AUTS2: variants seen among roughly 807,000 people sequenced by gnomAD.
AUTS2 encodes activator of transcription and developmental regulator AUTS2, also known as autism susceptibility gene 2 protein.
In AUTS2, 17 loss-of-function variants were observed where a neutral mutation model predicts 112.4. The ratio of observed to expected loss-of-function variants is 0.15; its 90% confidence interval spans 0.10 to 0.23. AUTS2 has a LOEUF of 0.23. AUTS2 is among the 10% of genes least tolerant of loss of function. AUTS2 has a pLI of 1.00. For missense variants in AUTS2, 1,510 were observed against 1,701.6 expected (o/e 0.89, Z 1.98); for synonymous variants, 751 against 702.7 (o/e 1.07, Z -1.09).
At chr7:69,731,383 G>T (rs1388607133) in intron 1 of AUTS2, among the ~76,000 whole-genome samples, 1 of 152,084 alleles carries the variant, frequency 6.6e-6, no homozygotes, top group Non-Finnish European at 1.5e-5. Flanking sequence ...AAGTGATTTG[G>T]GGTGAGTAAT....
At chr7:70,148,311 T>C (rs1807244074) in intron 4 of AUTS2, among the ~76,000 whole-genome samples, 1 of 152,166 alleles carries the variant, frequency 6.6e-6, no homozygotes, top group East Asian at 1.9e-4. Flanking sequence ...AGAATTGTTA[T>C]GAGTTATAAA....
At chr7:70,760,278 T>A (rs920033662) in intron 6 of AUTS2, among the ~76,000 whole-genome samples, 2 of 152,252 alleles carry the variant, frequency 1.3e-5, no homozygotes, top group African/African-American at 4.8e-5. Flanking sequence ...GTGCTGGGAT[T>A]ACAGGCGTGA....
At chr7:69,813,477 A>AT (rs1340845776) in intron 1 of AUTS2, among the ~76,000 whole-genome samples, 4 of 152,150 alleles carry the variant, frequency 2.6e-5, no homozygotes, top group African/African-American at 9.7e-5. Flanking sequence ...CCCCCATTGG[A>AT]TAGATGGCTG....
intron 2 of AUTS2, among the ~76,000 whole-genome samples, chr7:70,079,403 G>A (rs781352552): frequency 6.6e-6 from 1 of 152,126 alleles, no homozygotes; most frequent in South Asian, 2.1e-4. Flanking sequence ...TTGGGAGGCT[G>A]AGACAGGAGA....
At chr7:70,084,019 C>T (rs774386867) in intron 2 of AUTS2, among the ~76,000 whole-genome samples, 2 of 151,978 alleles carry the variant, frequency 1.3e-5, no homozygotes. Flanking sequence ...CTTTCTCCCC[C>T]ACCTCCCTTC....
chr7:70,023,033 C>T (rs539197538), intron 2 of AUTS2, among the ~76,000 whole-genome samples: 18 of 151,982 alleles, frequency 1.2e-4, no homozygotes, highest in East Asian at 3.9e-4. Flanking sequence ...TTTGTAGAGA[C>T]GGGGTCTTGC....
chr7:70,114,715 C>A (rs867851060), intron 2 of AUTS2, among the ~76,000 whole-genome samples: 6 of 152,094 alleles, frequency 3.9e-5, no homozygotes, highest in Admixed American at 6.5e-5. Flanking sequence ...GCAGGAGAAT[C>A]GCTTGAACCG....
Position 69,718,354 on chromosome 7 carries a change from T to C in AUTS2, c.309+118392T>C, listed in dbSNP as rs190256111. Among the ~76,000 whole-genome samples the C allele has an allele frequency of 1.4e-4, 21 of 152,298 alleles. No homozygotes were observed. The East Asian group carries it at 2.1e-3, about 15-fold the overall frequency. On this transcript the variant is annotated intron_variant, in intron 1 of 18. Transcript: ENST00000342771. ...GGCTAGAAGTCCAACATGGATCTCA[T>C]TGGGCTAAAATCGAGGTGTCAGGGG...
In AUTS2 at chr7:70,768,949, A is replaced by G. The variant is rs192334062; in HGVS notation, c.1734+881A>G. Among the ~76,000 whole-genome samples, 23 of 148,496 alleles carry G rather than the reference A, an allele frequency of 1.5e-4. No homozygotes were observed. The East Asian group carries it at 4.0e-3, about 26-fold the overall frequency. ...ATGCTTGTAGCCGTGTTGATTCACC[A>G]TACTCAACTGTTCTTGCTTAGGTTT... is the stretch of plus-strand genomic sequence containing the variant. On this transcript the variant is annotated intron_variant, in intron 10 of 18. Coordinates refer to ENST00000342771, the MANE Select transcript of AUTS2 (RefSeq NM_015570.4).
At chr7:70,784,652 G>A (rs897473058) in intron 15 of AUTS2, 1 of 434,008 alleles carries the variant, frequency 2.3e-6, no homozygotes, top group Non-Finnish European at 4.1e-6. Flanking sequence ...GTAATACTGT[G>A]TGTCATCGGC....
In AUTS2 at chr7:70,694,911, G is replaced by T. The variant is rs1808991270; in HGVS notation, c.691-3658G>T. 6.6e-6 allele frequency: 1 copy of T among 152,276 alleles called. No individual in the cohort carries two copies. Among genetic ancestry groups the T allele is most frequent in the African/African-American group, 2.4e-5 (1 of 41,454 alleles). The allele number at this position is 152,276 out of a possible 1,614,324, so 9.4% of individuals were successfully genotyped here. A position where few individuals can be genotyped will look rare whatever the true frequency, so the allele number is the denominator to read the frequency against. On this transcript the variant is annotated intron_variant, in intron 5 of 18. Coordinates refer to ENST00000342771, the MANE Select transcript of AUTS2 (RefSeq NM_015570.4). The surrounding 1 kb of genome is among the most constrained non-coding windows in gnomAD (Gnocchi z 4.1). ...AGACTCTTGTGGACAGAGCCGGGTC[G>T]AGAGTTGGGCGTTTTCTCTTCGTGT...
chr7:69,749,322 A>G (rs1787639780), intron 1 of AUTS2, among the ~76,000 whole-genome samples: 1 of 152,192 alleles, frequency 6.6e-6, no homozygotes, highest in Admixed American at 6.5e-5. Flanking sequence ...TTAGATTTAC[A>G]GAGTTGTGCA....
At chr7:69,805,404 GCAGACTTTTTTTTA>G (rs1480925578) in intron 1 of AUTS2, among the ~76,000 whole-genome samples, 5 of 152,122 alleles carry the variant, frequency 3.3e-5, no homozygotes, top group Non-Finnish European at 5.9e-5. Context: ...ATACGCAGAG[GCAGACTTTTTTTTA>G]CATTTGTTGC....
chr7:70,204,817 A>G (rs752949045), intron 4 of AUTS2, among the ~76,000 whole-genome samples: 1 of 152,166 alleles, frequency 6.6e-6, no homozygotes, highest in Non-Finnish European at 1.5e-5. Context: ...GGGGAATAAA[A>G]CATCCACACG....
At chr7:70,480,514 G>A (rs1201160747) in intron 5 of AUTS2, among the ~76,000 whole-genome samples, 1 of 152,168 alleles carries the variant, frequency 6.6e-6, no homozygotes, top group Admixed American at 6.6e-5. Context: ...CAAAGGACTG[G>A]AGGGACCAAT....
In AUTS2 at chr7:70,440,926, T is replaced by C. The variant is rs188093959; in HGVS notation, c.690+5145T>C. 3.9e-5 allele frequency among the ~76,000 whole-genome samples: 6 copies of C among 152,292 alleles called. No homozygotes were observed. The East Asian group carries it at 5.8e-4, about 15-fold the overall frequency. On this transcript the variant is annotated intron_variant, in intron 5 of 18. Coordinates refer to ENST00000342771, the MANE Select transcript of AUTS2 (RefSeq NM_015570.4). Reference sequence around the variant, plus strand: ...ATTTTTTAAAAAGCTTCCTAGGTAATTTTGGTACACAACTGGTTTTGAGAA... The same window carrying C: ...ATTTTTTAAAAAGCTTCCTAGGTAACTTTGGTACACAACTGGTTTTGAGAA...
chr7:70,145,661 C>T (rs572085637), intron 4 of AUTS2, among the ~76,000 whole-genome samples: 15 of 152,056 alleles, frequency 9.9e-5, no homozygotes, highest in Non-Finnish European at 1.9e-4. Flanking sequence ...TGAGTTGTGA[C>T]ATACATATAA....
intron 4 of AUTS2, among the ~76,000 whole-genome samples, chr7:70,313,883 G>T (rs1168550760): frequency 6.6e-6 from 1 of 152,200 alleles, no homozygotes; most frequent in Non-Finnish European, 1.5e-5. Flanking sequence ...GTGGAGCTCA[G>T]TTACCCAGCA....
chr7:70,204,311 G>A (rs1810458560), intron 4 of AUTS2, among the ~76,000 whole-genome samples: 1 of 152,252 alleles, frequency 6.6e-6, no homozygotes, highest in African/African-American at 2.4e-5. Context: ...CAGGTAGTTT[G>A]CCTAGATGTT....
Sources: gnomAD v4.1 joint callset for allele counts (sites outside exome capture counted in the v4.1 genomes callset) on GRCh38, gnomAD v4.1.1 for gene constraint, Gnocchi (gnomAD v3.1) non-coding constraint, MANE v1.5 for transcripts, NCBI Gene and HGNC (gene_info 2026-07-23, HGNC 2026-07-21) for gene names.